PARD3: variants seen among roughly 807,000 people sequenced by gnomAD.
PARD3 encodes par-3 family cell polarity regulator, also known as partitioning defective 3 homolog.
PARD3 carries 75 observed loss-of-function variants against 155.4 expected under a neutral mutation model. The observed-to-expected ratio is 0.48, with a 90% CI of 0.40 to 0.58. The LOEUF is 0.58. PARD3 is among the 20% of genes least tolerant of loss of function. The probability of loss-of-function intolerance (pLI) is 0.00; values close to 1 mark genes in which losing one functional copy is unlikely to be tolerated. For synonymous variants in PARD3, 576 were observed against 610.5 expected (o/e 0.94, Z 0.83); for missense variants, 1,642 against 1,721.7 (o/e 0.95, Z 0.82).
At chr10:34,509,989 T>A (rs1200101471) in intron 3 of PARD3, among the ~76,000 whole-genome samples, 1 of 152,222 alleles carries the variant, frequency 6.6e-6, no homozygotes, top group Non-Finnish European at 1.5e-5. Context: ...AAGAAGGATA[T>A]CATAAGCCAG....
chr10:34,340,689 G>A (rs1836714574), intron 16 of PARD3, among the ~76,000 whole-genome samples: 1 of 152,096 alleles, frequency 6.6e-6, no homozygotes, highest in African/African-American at 2.4e-5. Flanking sequence ...AGGATTGGGG[G>A]AGTGGTTCAC....
At chr10:34,670,351 C>G (rs968608160) in intron 2 of PARD3, among the ~76,000 whole-genome samples, 5 of 152,260 alleles carry the variant, frequency 3.3e-5, no homozygotes, top group African/African-American at 1.2e-4. Flanking sequence ...GTGATCTGCA[C>G]CACTATGCTT....
chr10:34,350,304 G>A (rs918714142), intron 14 of PARD3, among the ~76,000 whole-genome samples: 7 of 152,050 alleles, frequency 4.6e-5, no homozygotes, highest in Admixed American at 2.6e-4. Flanking sequence ...TGCTCCCCCA[G>A]GCCTGCTATC....
chr10:34,697,468 A>G (rs11009877), intron 1 of PARD3, among the ~76,000 whole-genome samples: 1 of 152,258 alleles, frequency 6.6e-6, no homozygotes, highest in East Asian at 1.9e-4. Flanking sequence ...ACTGACTAAG[A>G]CCCTGGAGCA....
At chr10:34,806,809 T>C (rs7083311) in intron 1 of PARD3, among the ~76,000 whole-genome samples, 4,780 of 152,256 alleles carry the variant, frequency 0.031, 246 homozygotes, top group African/African-American at 0.11. Flanking sequence ...ACATCACTTA[T>C]GGTCCCATGA....
At chr10:34,591,722 A>G (rs533302839) in intron 2 of PARD3, among the ~76,000 whole-genome samples, 1 of 152,304 alleles carries the variant, frequency 6.6e-6, no homozygotes, top group South Asian at 2.1e-4. Context: ...GCTGGTCTCA[A>G]GGAGCAAAAA....
At chr10:34,246,298 A>T (rs1361126609) in intron 22 of PARD3, among the ~76,000 whole-genome samples, 1 of 152,200 alleles carries the variant, frequency 6.6e-6, no homozygotes, top group Admixed American at 6.5e-5. Flanking sequence ...TTAACTTCCT[A>T]CTATAAGCAA....
intron 14 of PARD3, 55 bp downstream of exon 14, chr10:34,359,092 C>T: frequency 7.0e-7 from 1 of 1,432,608 alleles, no homozygotes; most frequent in Non-Finnish European, 9.7e-7. Flanking sequence ...AAAATTAGGA[C>T]AGAAATGTAG....
At chr10:34,302,077 T>A (rs1957181447) in intron 20 of PARD3, among the ~76,000 whole-genome samples, 1 of 152,116 alleles carries the variant, frequency 6.6e-6, no homozygotes, top group Non-Finnish European at 1.5e-5. Context: ...CTACCCACTA[T>A]CTTTAGGAGC....
intron 1 of PARD3, among the ~76,000 whole-genome samples, chr10:34,783,629 A>AG (rs1840554951): frequency 7.1e-6 from 1 of 140,174 alleles, no homozygotes; most frequent in African/African-American, 2.7e-5. Context: ...AAAAAAAAAA[A>AG]GAATGTAAGT....
intron 1 of PARD3, among the ~76,000 whole-genome samples, chr10:34,778,601 C>A (rs575890563): frequency 1.2e-4 from 19 of 152,178 alleles, no homozygotes; most frequent in African/African-American, 4.3e-4. Flanking sequence ...ACAATATCCT[C>A]CAGCAGAGAC....
At chr10:34,507,641 A>G (rs1046319567) in intron 3 of PARD3, among the ~76,000 whole-genome samples, 5 of 152,136 alleles carry the variant, frequency 3.3e-5, no homozygotes, top group Non-Finnish European at 7.4e-5. Flanking sequence ...ACAACTTCTG[A>G]TGGAATACTG....
Position 34,190,725 on chromosome 10 carries a change from C to T in PARD3, c.3420-59142G>A, listed in dbSNP as rs373047081. Reference sequence around the variant, plus strand: ...CATGATAAATGCTGTAACCAGAGGCCGGGAATGCAACAAAAGAGAGCGTGA... The same window carrying T: ...CATGATAAATGCTGTAACCAGAGGCTGGGAATGCAACAAAAGAGAGCGTGA... On this transcript the variant is annotated intron_variant, in intron 22 of 24. Coordinates refer to ENST00000374788, the MANE Select transcript of PARD3 (RefSeq NM_001184785.2). Among the ~76,000 whole-genome samples, 9 of 152,046 alleles carry T rather than the reference C, an allele frequency of 5.9e-5. No homozygotes were observed. The South Asian group carries it at 1.7e-3, about 28-fold the overall frequency.
chr10:34,705,335 T>C lies in PARD3; in HGVS notation c.121-8916A>G, dbSNP rs2094346910. Among the ~76,000 whole-genome samples, 3 of 152,062 alleles carry C rather than the reference T, an allele frequency of 2.0e-5. No homozygotes were observed. In the South Asian group the frequency reaches 6.2e-4, roughly 32 times the overall value. On this transcript the variant is annotated intron_variant, in intron 1 of 24. Transcript: ENST00000374788. ...TTTTCTTGTTGTTATTTTTGGTTTT[T>C]TAATTAGCTGGGCATGGTGGTGTGT...
chr10:34,302,445 C>T (rs1377159124), intron 20 of PARD3, among the ~76,000 whole-genome samples: 3 of 152,116 alleles, frequency 2.0e-5, no homozygotes, highest in Non-Finnish European at 4.4e-5. Context: ...AAAAGTAAAA[C>T]ACAAAGAGGT....
chr10:34,428,746 G>T (rs2075752109), intron 5 of PARD3, among the ~76,000 whole-genome samples: 1 of 152,148 alleles, frequency 6.6e-6, no homozygotes, highest in Non-Finnish European at 1.5e-5. Flanking sequence ...CTGGTGGGGT[G>T]AGAGACTGTA....
chr10:34,566,752 C>T (rs1049260248), intron 2 of PARD3, among the ~76,000 whole-genome samples: 1 of 152,100 alleles, frequency 6.6e-6, no homozygotes, highest in African/African-American at 2.4e-5. Context: ...AATAAATTAA[C>T]CAAAGTTTTT....
chr10:34,377,520 G>A (rs1043990578), intron 10 of PARD3, among the ~76,000 whole-genome samples: 11 of 152,160 alleles, frequency 7.2e-5, no homozygotes, highest in African/African-American at 2.7e-4. Flanking sequence ...AACCCAGAAG[G>A]TGGAGGCTGC....
At chr10:34,253,481 C>T (rs1436115768) in intron 22 of PARD3, among the ~76,000 whole-genome samples, 1 of 152,188 alleles carries the variant, frequency 6.6e-6, no homozygotes, top group African/African-American at 2.4e-5. Flanking sequence ...ACAATCACCA[C>T]CCACAGTGAT....
Sources: allele counts gnomAD v4.1 joint callset (sites outside exome capture counted in the v4.1 genomes callset), GRCh38; gene constraint gnomAD v4.1.1; transcripts MANE v1.5; gene names NCBI Gene and HGNC (gene_info 2026-07-23, HGNC 2026-07-21).